The following CHST8 variants were observed in gnomAD, a reference collection of about 807,000 sequenced individuals.
The protein encoded by CHST8 is GALNAC-4-ST1.
A neutral mutation model predicts 15.0 loss-of-function variants in CHST8; 10 were observed. That is an observed-to-expected ratio of 0.67 (90% CI 0.41 to 1.13). The LOEUF is 1.13. Among genes scored for constraint, CHST8 ranks in the 50% most tolerant of loss-of-function variants. The probability of loss-of-function intolerance (pLI) is 0.00; values close to 1 mark genes in which losing one functional copy is unlikely to be tolerated. For missense variants in CHST8, 634 were observed against 608.2 expected, an observed-to-expected ratio of 1.04 and a Z score of -0.45; for synonymous variants, 259 against 256.6, an observed-to-expected ratio of 1.01 and a Z score of -0.09.
At chr19:33,649,920 G>A (rs1972412168) in intron 1 of CHST8, among the ~76,000 whole-genome samples, 1 of 152,176 alleles carries the variant, frequency 6.6e-6, no homozygotes, top group Non-Finnish European at 1.5e-5. Flanking sequence ...TTGTTTAGCT[G>A]CTAGAGAAAA....
intron 3 of CHST8, among the ~76,000 whole-genome samples, chr19:33,743,141 C>A (rs1568351581): frequency 6.6e-6 from 1 of 152,156 alleles, no homozygotes; most frequent in Non-Finnish European, 1.5e-5. Context: ...GATCCTCCTT[C>A]CCCTCTCACC....
At chr19:33,695,821 C>CTTTTTTTTTTTTTTT (rs55695414) in intron 3 of CHST8, among the ~76,000 whole-genome samples, 1 of 76,232 alleles carries the variant, frequency 1.3e-5, no homozygotes, top group Non-Finnish European at 2.5e-5. Context: ...TTCTTTCTTT[C>CTTTTTTTTTTTTTTT]TTTTTTTTTT....
chr19:33,678,622 C>A (rs1361641651), intron 2 of CHST8, among the ~76,000 whole-genome samples: 1 of 151,970 alleles, frequency 6.6e-6, no homozygotes, highest in African/African-American at 2.4e-5. Context: ...TTGAGTAGTC[C>A]CAGCTACTCA....
In CHST8 at chr19:33,629,647, G is replaced by A. The variant is rs550257880; in HGVS notation, c.-164+7351G>A. Among the ~76,000 whole-genome samples, 12 of 152,344 alleles carry A rather than the reference G, an allele frequency of 7.9e-5. No homozygotes were observed. The East Asian group carries it at 2.1e-3, about 27-fold the overall frequency. On this transcript the variant is annotated intron_variant, in intron 1 of 4. Coordinates refer to ENST00000650847, the MANE Select transcript of CHST8 (RefSeq NM_001127895.2). ...GTTGTGCCCATGCTGCTGGCTGCAGGCCCTGAGCTGAGTGGCCACCGAGCT... is the reference window on the plus strand; with the variant it reads ...GTTGTGCCCATGCTGCTGGCTGCAGACCCTGAGCTGAGTGGCCACCGAGCT...
At chr19:33,673,951 G>A (rs1007921839) in intron 2 of CHST8, among the ~76,000 whole-genome samples, 5 of 152,008 alleles carry the variant, frequency 3.3e-5, no homozygotes, top group African/African-American at 9.7e-5. Flanking sequence ...ACGGGGTTTC[G>A]CCATGTTGGC....
intron 1 of CHST8, among the ~76,000 whole-genome samples, chr19:33,663,341 G>T (rs557335401): frequency 6.6e-6 from 1 of 152,172 alleles, no homozygotes; most frequent in Non-Finnish European, 1.5e-5. Context: ...GAGGCAGGAG[G>T]ATTGCTTGAG....
chr19:33,728,213 T>G (rs1012775238), intron 3 of CHST8, among the ~76,000 whole-genome samples: 2 of 152,278 alleles, frequency 1.3e-5, no homozygotes. Context: ...CATGTTTTCT[T>G]GCACAAATTC....
At chr19:33,696,889 A>G (rs955009897) in intron 3 of CHST8, among the ~76,000 whole-genome samples, 6 of 148,820 alleles carry the variant, frequency 4.0e-5, no homozygotes, top group South Asian at 2.1e-4. Context: ...TGCCCAGGCT[A>G]GAGTCCAATG....
At chr19:33,767,957 A>G (rs1187763413) in intron 3 of CHST8, among the ~76,000 whole-genome samples, 2 of 152,130 alleles carry the variant, frequency 1.3e-5, no homozygotes, top group African/African-American at 4.8e-5. Context: ...TCCCACCCAT[A>G]AGTGCCCCCC....
chr19:33,738,464 C>G (rs916225069), intron 3 of CHST8, among the ~76,000 whole-genome samples: 1 of 152,202 alleles, frequency 6.6e-6, no homozygotes, highest in Non-Finnish European at 1.5e-5. Context: ...AAATGTCTAT[C>G]CTCCCAGAAG....
In CHST8 at chr19:33,720,116, C is replaced by T. The variant is rs184809562; in HGVS notation, c.130+30725C>T. 2.0e-5 allele frequency among the ~76,000 whole-genome samples: 3 copies of T among 152,244 alleles called. No individual in the cohort carries two copies. In the East Asian group the frequency reaches 5.8e-4, roughly 29 times the overall value. ...CACCCTCTATGCCCAGAAACTCCCA[C>T]GGAAGAAGGGCATGGGCAGCTCCTC... On this transcript the variant is annotated intron_variant, in intron 3 of 4. Coordinates refer to ENST00000650847, the MANE Select transcript of CHST8 (RefSeq NM_001127895.2).
intron 2 of CHST8, among the ~76,000 whole-genome samples, chr19:33,668,116 G>A (rs1315974828): frequency 1.3e-5 from 2 of 152,142 alleles, no homozygotes; most frequent in Admixed American, 1.3e-4. Flanking sequence ...GATTGTCTCT[G>A]CTGGAGAAAG....
intron 1 of CHST8, among the ~76,000 whole-genome samples, chr19:33,664,466 C>G (rs1449684709): frequency 1.5e-5 from 2 of 130,344 alleles, no homozygotes; most frequent in Non-Finnish European, 3.2e-5. Context: ...CAACAGGCCC[C>G]AGAGTGTGAT....
intron 1 of CHST8, among the ~76,000 whole-genome samples, chr19:33,658,130 A>G (rs988200595): frequency 6.6e-6 from 1 of 152,166 alleles, no homozygotes; most frequent in African/African-American, 2.4e-5. Flanking sequence ...ACCTGAGGTC[A>G]GGAGTTCGAG....
chr19:33,682,184 G>GTTTTTTT (rs1568325315), intron 2 of CHST8, among the ~76,000 whole-genome samples: 8 of 121,884 alleles, frequency 6.6e-5, no homozygotes, highest in African/African-American at 2.4e-4. Context: ...GGTTTTTGTT[G>GTTTTTTT]TTGTTTTTTT....
chr19:33,755,135 G>C (rs1484596891), intron 3 of CHST8, among the ~76,000 whole-genome samples: 2 of 151,942 alleles, frequency 1.3e-5, no homozygotes, highest in African/African-American at 4.8e-5. Context: ...GTGGACTTCC[G>C]GATTTCCAAA....
At chr19:33,628,306 TG>T (rs1229290411) in intron 1 of CHST8, among the ~76,000 whole-genome samples, 1 of 152,168 alleles carries the variant, frequency 6.6e-6, no homozygotes, top group African/African-American at 2.4e-5. Flanking sequence ...AGGTGACATG[TG>T]GCTGGAGACC....
chr19:33,632,724 C>T (rs1972137697), intron 1 of CHST8, among the ~76,000 whole-genome samples: 1 of 151,294 alleles, frequency 6.6e-6, no homozygotes, highest in Non-Finnish European at 1.5e-5. Flanking sequence ...CCCCTTACTT[C>T]TAACGATATG....
At chr19:33,623,933 G>A (rs767110188) in intron 1 of CHST8, among the ~76,000 whole-genome samples, 36 of 152,198 alleles carry the variant, frequency 2.4e-4, no homozygotes, top group Non-Finnish European at 2.5e-4. Flanking sequence ...TGAAGAGAGG[G>A]ACCTCTTGAG....
Sources: gnomAD v4.1 joint callset for allele counts (sites outside exome capture counted in the v4.1 genomes callset) on GRCh38, gnomAD v4.1.1 for gene constraint, MANE v1.5 for transcripts, NCBI Gene and HGNC (gene_info 2026-07-23, HGNC 2026-07-21) for gene names.